SOX5: variants seen among roughly 807,000 people sequenced by gnomAD.
SOX5 encodes the protein SRY-box transcription factor 5.
A neutral mutation model predicts 92.0 loss-of-function variants in SOX5; 9 were observed. That is an observed-to-expected ratio of 0.10 (90% CI 0.06 to 0.17). The LOEUF (loss-of-function observed/expected upper bound fraction) is 0.17, where lower values mean the gene tolerates loss of function less well. Ranked by LOEUF, SOX5 falls within the 10% of genes least tolerant of loss-of-function variation. The pLI, the probability that SOX5 is intolerant of heterozygous loss-of-function variation, is 1.00. For synonymous variants in SOX5, 344 were observed against 336.3 expected (o/e 1.02, Z -0.25); for missense variants, 642 against 944.5 (o/e 0.68, Z 4.20).
At chr12:24,355,282 C>CTTTTTTTTTTTTT (rs768157437) in intron 2 of SOX5, among the ~76,000 whole-genome samples, 18 of 71,928 alleles carry the variant, frequency 2.5e-4, no homozygotes, top group Non-Finnish European at 3.5e-4. Flanking sequence ...AGGGGTGCAT[C>CTTTTTTTTTTTTT]TTTTTTTTTT....
In SOX5 at chr12:24,106,791, AAATAATAATAATAATAATAATAATAAT is replaced by A. The variant is rs56341402; in HGVS notation, c.-2+106525_-2+106551del. On this transcript the variant is annotated intron_variant, in intron 4 of 4. Transcript: ENST00000446891. ...TGGGCAACAGAGTGAGACTCGTCTC[AAATAATAATAATAATAATAATAATAAT>A]AATAATAATAATAATAATAATAAAT... 2.2e-5 allele frequency among the ~76,000 whole-genome samples: 3 copies of A among 137,476 alleles called. No homozygotes were observed. The East Asian group carries it at 6.3e-4, about 29-fold the overall frequency. The allele number at this position is 137,476 out of a possible 152,430, so 90.2% of individuals were successfully genotyped here. A position where few individuals can be genotyped will look rare whatever the true frequency, so the allele number is the denominator to read the frequency against.
intron 9 of SOX5, among the ~76,000 whole-genome samples, chr12:23,596,987 T>C (rs1952587123): frequency 6.6e-6 from 1 of 152,222 alleles, no homozygotes; most frequent in Non-Finnish European, 1.5e-5. Flanking sequence ...ATTACAATGT[T>C]TCAAACACAC....
At chr12:23,993,619 G>T (rs1292664210) in intron 4 of SOX5, among the ~76,000 whole-genome samples, 2 of 151,642 alleles carry the variant, frequency 1.3e-5, no homozygotes, top group Non-Finnish European at 2.9e-5. Context: ...AAGTCACATG[G>T]GATCCAAAAT....
intron 6 of SOX5, among the ~76,000 whole-genome samples, chr12:23,695,164 T>C (rs895580320): frequency 1.3e-5 from 2 of 152,056 alleles, no homozygotes; most frequent in Non-Finnish European, 2.9e-5. Context: ...GTGTGTATAT[T>C]TCTGAACTCT....
At position 24,304,036 on chromosome 12, in the gene SOX5, C is replaced by T. The variant is rs536647799; in HGVS notation, c.-173-26724G>A. On this transcript the variant is annotated intron_variant, in intron 2 of 4. Coordinates refer to the SOX5 transcript ENST00000446891. ...AATGGACTGAGTATCGATGAGTCTA[C>T]GGCATACACTACACAAAAATATATG... Among the ~76,000 whole-genome samples the T allele has an allele frequency of 2.6e-5, 4 of 152,164 alleles. No individual in the cohort carries two copies. In the South Asian group the frequency reaches 8.3e-4, roughly 32 times the overall value.
At chr12:24,514,071 C>T (rs1456810648) in intron 1 of SOX5, among the ~76,000 whole-genome samples, 2 of 152,184 alleles carry the variant, frequency 1.3e-5, no homozygotes, top group Non-Finnish European at 2.9e-5. Flanking sequence ...ATTATGGTGT[C>T]CCTCCTCAGG....
chr12:23,963,505 G>T (rs143894686), intron 4 of SOX5, among the ~76,000 whole-genome samples: 1 of 152,050 alleles, frequency 6.6e-6, no homozygotes, highest in Non-Finnish European at 1.5e-5. Context: ...CTTGAATCTG[G>T]CATTTCCATA....
intron 4 of SOX5, among the ~76,000 whole-genome samples, chr12:24,171,344 C>G (rs1488585092): frequency 6.6e-6 from 1 of 151,526 alleles, no homozygotes; most frequent in South Asian, 2.1e-4. Context: ...CTGCCTCAGC[C>G]TCCCGGGTAG....
At chr12:24,552,251 T>C (rs2138966174) in intron 1 of SOX5, among the ~76,000 whole-genome samples, 1 of 152,374 alleles carries the variant, frequency 6.6e-6, no homozygotes, top group Non-Finnish European at 1.5e-5. Context: ...CAATCAGTTG[T>C]GCTTTATCTT....
chr12:24,532,829 T>A (rs1165729776), intron 1 of SOX5, among the ~76,000 whole-genome samples: 1 of 152,166 alleles, frequency 6.6e-6, no homozygotes, highest in East Asian at 1.9e-4. Context: ...AAGCACTCTG[T>A]TTGGAGGACA....
intron 6 of SOX5, among the ~76,000 whole-genome samples, chr12:23,703,762 A>C (rs924617084): frequency 1.3e-5 from 2 of 151,684 alleles, no homozygotes; most frequent in Non-Finnish European, 2.9e-5. Flanking sequence ...AAACACCATG[A>C]TATAGTTTGA....
chr12:24,348,249 T>C (rs1953585687), intron 2 of SOX5, among the ~76,000 whole-genome samples: 1 of 152,022 alleles, frequency 6.6e-6, no homozygotes, highest in Non-Finnish European at 1.5e-5. Context: ...AAAGCCAAAA[T>C]GTCATGATAA....
At position 23,906,281 on chromosome 12, in the gene SOX5, A is replaced by G. The variant is rs574225381; in HGVS notation, c.39-10257T>C. On this transcript the variant is annotated intron_variant, in intron 1 of 14. Transcript: ENST00000451604. ...TTACTTAGAATAATCTAGCATTAAG[A>G]TCTGTGATTCTAGAACTTTTTATTT... Among the ~76,000 whole-genome samples the G allele has an allele frequency of 7.9e-5, 12 of 152,326 alleles. No homozygotes were observed. In the South Asian group the frequency reaches 1.9e-3, roughly 24 times the overall value.
At chr12:23,555,763 A>ATAGT (rs1945045452) in intron 11 of SOX5, among the ~76,000 whole-genome samples, 1 of 152,224 alleles carries the variant, frequency 6.6e-6, no homozygotes, top group Non-Finnish European at 1.5e-5. Context: ...TGTTTAATGC[A>ATAGT]TAGTTACCAC....
intron 8 of SOX5, among the ~76,000 whole-genome samples, chr12:23,637,692 A>G (rs1387343488): frequency 6.6e-6 from 1 of 152,106 alleles, no homozygotes; most frequent in African/African-American, 2.4e-5. Context: ...TAAAGCAAAA[A>G]CTTGAATGTT....
intron 6 of SOX5, among the ~76,000 whole-genome samples, chr12:23,669,095 A>T (rs1016334345): frequency 2.6e-5 from 4 of 152,192 alleles, no homozygotes; most frequent in African/African-American, 4.8e-5. Flanking sequence ...GTCTGTGGTA[A>T]CTAGGGATTA....
At chr12:24,401,355 GGA>G (rs1566076352) in intron 1 of SOX5, among the ~76,000 whole-genome samples, 2 of 70,520 alleles carry the variant, frequency 2.8e-5, no homozygotes. Flanking sequence ...CCATCTCAGG[GGA>G]AAAAAAAAAA....
chr12:24,392,380 T>C (rs1959082001), intron 1 of SOX5, among the ~76,000 whole-genome samples: 1 of 152,166 alleles, frequency 6.6e-6, no homozygotes, highest in Non-Finnish European at 1.5e-5. Context: ...CTTTCCACCC[T>C]AACGCCCCCA....
intron 4 of SOX5, among the ~76,000 whole-genome samples, chr12:24,197,122 ATTAGCATTTTGG>A (rs1957081216): frequency 1.3e-5 from 2 of 152,208 alleles, no homozygotes; most frequent in African/African-American, 4.8e-5. Context: ...CTGTTTGTCA[ATTAGCATTTTGG>A]AAGGCAGAAA....
Sources: allele counts gnomAD v4.1 joint callset (sites outside exome capture counted in the v4.1 genomes callset), GRCh38; gene constraint gnomAD v4.1.1; transcripts MANE v1.5; gene names NCBI Gene and HGNC (gene_info 2026-07-23, HGNC 2026-07-21).